The following NINL variants were observed in gnomAD, a reference collection of about 807,000 sequenced individuals.
NINL encodes ninein-like protein.
NINL carries 153 observed loss-of-function variants against 160.3 expected under a neutral mutation model. The observed-to-expected ratio is 0.95, with a 90% CI of 0.84 to 1.09. NINL has a LOEUF of 1.09. Among genes scored for constraint, NINL ranks in the 50% least tolerant of loss-of-function variants. The pLI is 0.00. For synonymous variants in NINL, 800 were observed against 734.8 expected (o/e 1.09, Z -1.43); for missense variants, 1,829 against 1,764.0 (o/e 1.04, Z -0.66).
intron 18 of NINL, among the ~76,000 whole-genome samples, 181 bp downstream of exon 18, chr20:25,469,810 G>A (rs2063048386): frequency 6.6e-6 from 1 of 152,206 alleles, no homozygotes; most frequent in Non-Finnish European, 1.5e-5. Context: ...GAGGAAGGAG[G>A]CCAGAGCCTC....
In NINL at chr20:25,512,830, C is replaced by A. The variant is rs1288859614; in HGVS notation, c.450+4G>T. On this transcript the variant is annotated splice_donor_region_variant and intron_variant, in intron 4 of 23. Coordinates refer to ENST00000278886, the MANE Select transcript of NINL (RefSeq NM_025176.6). Reference sequence around the variant, plus strand: ...AGCTGGGGTGGGAGAGGGGCCTGACCCACCTCCACGCTCTCCAGAGACGCT... The same window carrying A: ...AGCTGGGGTGGGAGAGGGGCCTGACACACCTCCACGCTCTCCAGAGACGCT... The A allele has an allele frequency of 1.2e-6, 2 of 1,605,262 alleles. No individual in the cohort carries two copies. Among genetic ancestry groups the A allele is most frequent in the Non-Finnish European group, 1.7e-6 (2 of 1,174,804 alleles).
intron 10 of NINL, among the ~76,000 whole-genome samples, chr20:25,496,136 A>G (rs897306326): frequency 6.6e-6 from 1 of 151,850 alleles, no homozygotes. Context: ...ACAGAGGGAG[A>G]CTCCATCTCA....
At position 25,501,003 on chromosome 20, in the gene NINL, T is replaced by G. The variant is rs148396885; in HGVS notation, c.869A>C (p.Glu290Ala). 1.4e-5 allele frequency: 23 copies of G among 1,613,744 alleles called. No homozygotes were observed. The African/African-American group carries it at 3.1e-4, about 22-fold the overall frequency. Residue 290 changes from glutamate (E) to alanine (A), a missense_variant, in exon 8 of 24, where the codon GAG (glutamate) becomes GCG (alanine). Glu to Ala is a moderately radical substitution (Grantham distance 107). Coordinates refer to ENST00000278886, the MANE Select transcript of NINL (RefSeq NM_025176.6). The stretch of plus-strand genomic sequence containing the variant: ...TGTGGTGGTGTGGCAGCCGCTCTCC[T>G]CTGGGACCTGCATGTCAGGAAGACT... ...SKAWSHYQVP[E>A]ESGCHTTTTS...
intron 7 of NINL, among the ~76,000 whole-genome samples, chr20:25,502,317 G>T (rs899671185): frequency 2.0e-5 from 3 of 152,126 alleles, no homozygotes; most frequent in Non-Finnish European, 4.4e-5. Context: ...TAGATTCTCA[G>T]GTGTACCTAC....
intron 2 of NINL, among the ~76,000 whole-genome samples, chr20:25,520,019 G>T (rs1468937773): frequency 2.6e-5 from 2 of 77,302 alleles, no homozygotes; most frequent in Non-Finnish European, 5.0e-5. Flanking sequence ...AAAAAAAAAA[G>T]GCCAGAGAGT....
intron 1 of NINL, among the ~76,000 whole-genome samples, chr20:25,564,641 C>T (rs1020306646): frequency 4.6e-5 from 7 of 151,682 alleles, no homozygotes; most frequent in Admixed American, 3.9e-4. Flanking sequence ...TTAGTAGACA[C>T]GGGGTTTCAC....
At chr20:25,559,174 C>G (rs1041894025) in intron 1 of NINL, among the ~76,000 whole-genome samples, 2 of 152,194 alleles carry the variant, frequency 1.3e-5, no homozygotes, top group African/African-American at 4.8e-5. Flanking sequence ...AAGTCTCCTT[C>G]CTGTAAATGA....
At chr20:25,491,041 T>C (rs2063620534) in intron 11 of NINL, among the ~76,000 whole-genome samples, 1 of 152,322 alleles carries the variant, frequency 6.6e-6, no homozygotes, top group Non-Finnish European at 1.5e-5. Context: ...GTGTTCCTGG[T>C]TTCTGGGGTT....
At chr20:25,582,689 A>G (rs2065186997) in intron 1 of NINL, among the ~76,000 whole-genome samples, 1 of 152,222 alleles carries the variant, frequency 6.6e-6, no homozygotes, top group African/African-American at 2.4e-5. Context: ...GCATGAAAGT[A>G]GACTGCTTCT....
At chr20:25,540,935 C>CT (rs33981300) in intron 1 of NINL, among the ~76,000 whole-genome samples, 20,986 of 148,010 alleles carry the variant, frequency 0.14, 2,076 homozygotes, top group Admixed American at 0.25. Context: ...AAAGCTATCC[C>CT]TTTTTTTTTT....
intron 14 of NINL, among the ~76,000 whole-genome samples, chr20:25,481,123 T>C (rs1465096142): frequency 1.3e-5 from 2 of 152,124 alleles, no homozygotes; most frequent in Non-Finnish European, 2.9e-5. Context: ...TTTTATTTCA[T>C]TGAGTAAACA....
intron 19 of NINL, among the ~76,000 whole-genome samples, chr20:25,466,416 G>A (rs772385630): frequency 7.2e-5 from 11 of 152,166 alleles, no homozygotes; most frequent in African/African-American, 2.2e-4. Context: ...GTGGCAATGC[G>A]GATAACAGTT....
chr20:25,460,743 T>A (rs1299639012), intron 21 of NINL, among the ~76,000 whole-genome samples: 2 of 152,086 alleles, frequency 1.3e-5, no homozygotes, highest in African/African-American at 4.8e-5. Flanking sequence ...AGGGGGAGCC[T>A]CTGCACAGGG....
rs190915615 is a variant in NINL at position 25,490,336 on chromosome 20, G to A, written c.1486-351C>T. On this transcript the variant is annotated intron_variant, in intron 11 of 23. Transcript: ENST00000278886. The stretch of plus-strand genomic sequence containing the variant: ...AGCACTTTGGGAGGCCGAGGCGGGC[G>A]GATCACAAGGTCAGGAGATCAAGAC... Among the ~76,000 whole-genome samples the A allele has an allele frequency of 1.4e-3, 213 of 152,242 alleles. 1 individual carries two copies. The highest frequency in any genetic ancestry group is 4.7e-3 in the African/African-American group (197 of 41,550).
chr20:25,583,944 AG>A, intron 1 of NINL, among the ~76,000 whole-genome samples: 1 of 151,936 alleles, frequency 6.6e-6, no homozygotes, highest in East Asian at 2.0e-4. Flanking sequence ...GGACACAGGG[AG>A]GGGAACATCA....
chr20:25,580,510 T>C (rs1447992865), intron 1 of NINL, among the ~76,000 whole-genome samples: 1 of 152,116 alleles, frequency 6.6e-6, no homozygotes, highest in Non-Finnish European at 1.5e-5. Flanking sequence ...TACAGCAGTC[T>C]TGAGGGAAAC....
rs535670281 is a variant in NINL, at chr20:25,537,995, A to C, written c.-11-11397T>G. On this transcript the variant is annotated intron_variant, in intron 1 of 23. Coordinates refer to ENST00000278886, the MANE Select transcript of NINL (RefSeq NM_025176.6). Reference sequence around the variant, plus strand: ...TACCCACCCCAGCGGTATCCACGGGACCAACACGGTGCCCTGCCCAGGCTG... The same window carrying C: ...TACCCACCCCAGCGGTATCCACGGGCCCAACACGGTGCCCTGCCCAGGCTG... Among the ~76,000 whole-genome samples the C allele has an allele frequency of 3.3e-5, 5 of 152,138 alleles. No homozygotes were observed. The South Asian group carries it at 1.0e-3, about 32-fold the overall frequency.
chr20:25,453,397 G>C lies in NINL; in HGVS notation c.*54C>G. 4 of 1,499,268 alleles carry C rather than the reference G, an allele frequency of 2.7e-6. No individual in the cohort carries two copies. The highest frequency in any genetic ancestry group is 3.6e-6 in the Non-Finnish European group (4 of 1,101,032). 92.9% of individuals were successfully genotyped at this position (1,499,268 alleles called of 1,614,324 possible). A position where few individuals can be genotyped will look rare whatever the true frequency, so the allele number is the denominator to read the frequency against. ...GACCCACGGAATCTAAGGCAGCACA[G>C]TGGCTTAATTTAAAAGATGTGCTTT... On this transcript the variant is annotated 3_prime_UTR_variant, in exon 24 of 24. Coordinates refer to ENST00000278886, the MANE Select transcript of NINL (RefSeq NM_025176.6).
chr20:25,463,812 T>G (rs1485573291), intron 19 of NINL, among the ~76,000 whole-genome samples: 20 of 152,190 alleles, frequency 1.3e-4, no homozygotes, highest in Admixed American at 1.3e-3. Context: ...TACTCAAGAT[T>G]AGGGAGTCCA....
Sources: gnomAD v4.1 joint callset for allele counts (sites outside exome capture counted in the v4.1 genomes callset) on GRCh38, gnomAD v4.1.1 for gene constraint, MANE v1.5 for transcripts, NCBI Gene and HGNC (gene_info 2026-07-23, HGNC 2026-07-21) for gene names.